LPA: variants seen among roughly 807,000 people sequenced by gnomAD.
The protein encoded by LPA is apolipoprotein(a).
In LPA, 199 loss-of-function variants were observed where a neutral mutation model predicts 197.9. The observed-to-expected ratio is 1.01, with a 90% CI of 0.90 to 1.13. LPA has a LOEUF of 1.13. LPA is among the 50% of genes most tolerant of loss of function. The pLI, the probability that LPA is intolerant of heterozygous loss-of-function variation, is 0.00. For synonymous variants in LPA, 715 were observed against 639.5 expected, an observed-to-expected ratio of 1.12 and a Z score of -1.78; for missense variants, 1,853 against 1,785.8, an observed-to-expected ratio of 1.04 and a Z score of -0.68.
intron 28 of LPA, among the ~76,000 whole-genome samples, chr6:160,567,497 G>A (rs1407137758): frequency 6.6e-6 from 1 of 152,214 alleles, no homozygotes; most frequent in East Asian, 1.9e-4. Flanking sequence ...TTAAAGCAGT[G>A]TGTAGGGGGA....
At chr6:160,653,225 G>A (rs1780037070) in intron 1 of LPA, among the ~76,000 whole-genome samples, 1 of 151,998 alleles carries the variant, frequency 6.6e-6, no homozygotes, top group Non-Finnish European at 1.5e-5. Flanking sequence ...TCATCAAGAA[G>A]ACCTAACAAT....
chr6:160,589,652 C>T lies in LPA; in HGVS notation c.3848G>A (p.Arg1283Gln), dbSNP rs772137514. The T allele has an allele frequency of 2.0e-5, 32 of 1,613,824 alleles. No homozygotes were observed. The highest frequency in any genetic ancestry group is 2.2e-5 in the Non-Finnish European group (26 of 1,179,870). ...TGTAACAGTGGTGGAGAATGAGCCT[C>T]GATAACTCTGTCCATCACCATGGTA... ...DCYHGDGQSYRGSFSTTVTGR... is the reference protein window; with the variant it reads ...DCYHGDGQSYQGSFSTTVTGR... Residue 1283 changes from arginine to glutamine, a missense_variant, in exon 24 of 39, where the codon CGA (arginine) becomes CAA (glutamine). By Grantham distance (43) the Arg-to-Gln change is conservative. Around this residue, in one of 3 missense-constraint regions of LPA, gnomAD observed 1,737 missense variants for 1,504.4 expected, o/e 1.15. Coordinates refer to ENST00000316300, the MANE Select transcript of LPA (RefSeq NM_005577.4).
At chr6:160,662,549 G>A (rs563412632) in intron 1 of LPA, among the ~76,000 whole-genome samples, 1 of 152,174 alleles carries the variant, frequency 6.6e-6, no homozygotes, top group Admixed American at 6.5e-5. Flanking sequence ...TCCTGTGGCA[G>A]AGAAGTTTGT....
chr6:160,549,803 G>A (rs1328160359), intron 30 of LPA, among the ~76,000 whole-genome samples: 1 of 152,192 alleles, frequency 6.6e-6, no homozygotes, highest in African/African-American at 2.4e-5. Flanking sequence ...GCCACTGCGG[G>A]ACTGACAGAA....
chr6:160,658,424 A>C (rs552878140), intron 1 of LPA, among the ~76,000 whole-genome samples: 1 of 152,334 alleles, frequency 6.6e-6, no homozygotes, highest in South Asian at 2.1e-4. Context: ...CATTCAGGGC[A>C]ATCTTAGCAG....
At chr6:160,588,256 G>GT (rs201471654) in intron 24 of LPA, among the ~76,000 whole-genome samples, 9,781 of 149,520 alleles carry the variant, frequency 0.065, 352 homozygotes, top group Middle Eastern at 0.12. Flanking sequence ...GGGGGGTTGA[G>GT]TTTTTTTTTT....
chr6:160,599,587 G>T lies in LPA; in HGVS notation c.3200C>A (p.Ser1067Tyr). 1 of 1,614,086 alleles carries T rather than the reference G, an allele frequency of 6.2e-7. No homozygotes were observed. Among genetic ancestry groups the T allele is most frequent in the Non-Finnish European group, 8.5e-7 (1 of 1,179,972 alleles). Residue 1067 changes from serine to tyrosine, a missense_variant, in exon 20 of 39, where the codon TCC becomes TAC. This residue lies in a region of LPA where 1,737 missense variants were observed against 1,504.4 expected (regional missense o/e 1.15). Coordinates refer to ENST00000316300, the MANE Select transcript of LPA (RefSeq NM_005577.4). ...GCAAGTTCTTCCTGTGACAGTGGTG[G>T]AGTATGTGCCTCGGTAACTCTGTCC... The part of the protein sequence containing the change: ...HYGQSYRGTY[S>Y]TTVTGRTCQA...
At chr6:160,661,634 T>C (rs1780228812) in intron 1 of LPA, among the ~76,000 whole-genome samples, 2 of 152,224 alleles carry the variant, frequency 1.3e-5, no homozygotes, top group South Asian at 4.1e-4. Flanking sequence ...ATATGCTCTA[T>C]GCTGGAAAAC....
At chr6:160,604,698 G>C (rs915218328) in intron 18 of LPA, among the ~76,000 whole-genome samples, 2 of 152,130 alleles carry the variant, frequency 1.3e-5, no homozygotes, top group African/African-American at 4.8e-5. Context: ...TCAGGAATTG[G>C]AGTTTAGTTT....
chr6:160,533,056 T>C (rs571475276), intron 37 of LPA, among the ~76,000 whole-genome samples: 1 of 152,318 alleles, frequency 6.6e-6, no homozygotes, highest in African/African-American at 2.4e-5. Context: ...ATACTGATTT[T>C]TTCAATCAAT....
At chr6:160,545,283 A>C (rs1778047533) in intron 33 of LPA, among the ~76,000 whole-genome samples, 157 bp downstream of exon 33, 1 of 151,982 alleles carries the variant, frequency 6.6e-6, no homozygotes, top group Non-Finnish European at 1.5e-5. Flanking sequence ...GGGCAGGTTC[A>C]AGGTGGCCAT....
intron 24 of LPA, 66 bp from the exon 25 acceptor site, chr6:160,586,696 CTA>C: frequency 6.2e-7 from 1 of 1,608,102 alleles, no homozygotes; most frequent in Non-Finnish European, 8.5e-7. Flanking sequence ...CTGGCACCCT[CTA>C]TGTTTTCTTG....
chr6:160,571,796 C>T (rs1194261106), intron 28 of LPA, among the ~76,000 whole-genome samples: 1 of 152,204 alleles, frequency 6.6e-6, no homozygotes, highest in Non-Finnish European at 1.5e-5. Flanking sequence ...GCCAGTGGAG[C>T]TTAGCTTGCT....
chr6:160,598,745 A>T (rs1779178700), intron 20 of LPA, among the ~76,000 whole-genome samples: 1 of 152,198 alleles, frequency 6.6e-6, no homozygotes, highest in South Asian at 2.1e-4. Context: ...GCTCAGGACC[A>T]AGTGTGTTTG....
rs532845869 is a variant in LPA, at chr6:160,558,068, C to T, written c.4632-497G>A. On this transcript the variant is annotated intron_variant, in intron 28 of 38. Coordinates refer to ENST00000316300, the MANE Select transcript of LPA (RefSeq NM_005577.4). ...CTGAGTAGCTGGGACTACAGGCGCC[C>T]GCCACCACGCCTGGCTAATTTTTTG... 7.2e-5 allele frequency among the ~76,000 whole-genome samples: 11 copies of T among 152,054 alleles called. No individual in the cohort carries two copies. In the East Asian group the frequency reaches 1.7e-3, roughly 24 times the overall value.
chr6:160,610,026 TG>T (rs1779455928), intron 16 of LPA, among the ~76,000 whole-genome samples: 1 of 152,184 alleles, frequency 6.6e-6, no homozygotes, highest in Non-Finnish European at 1.5e-5. Context: ...ATACCTGCTT[TG>T]TTGCACTTTT....
Position 160,653,943 on chromosome 6 carries a change from ATATATAT to A in LPA, c.50-3453_50-3447del, listed in dbSNP as rs1464998006. ...AACTAATAGGATATATATATATTTT[ATATATAT>A]TATATATAATATATATTATATATAA... On this transcript the variant is annotated intron_variant, in intron 1 of 38. Coordinates refer to ENST00000316300, the MANE Select transcript of LPA (RefSeq NM_005577.4). 3.5e-3 allele frequency among the ~76,000 whole-genome samples: 123 copies of A among 35,364 alleles called. 8 individuals carry two copies. Among genetic ancestry groups the A allele is most frequent in the South Asian group, 6.4e-3 (8 of 1,252 alleles). 23.2% of individuals were successfully genotyped at this position (35,364 alleles called of 152,430 possible).
At chr6:160,591,455 T>G (rs1460470285) in intron 22 of LPA, among the ~76,000 whole-genome samples, 1 of 152,256 alleles carries the variant, frequency 6.6e-6, no homozygotes, top group Non-Finnish European at 1.5e-5. Context: ...GATTGTTTTA[T>G]GCACGTACAA....
rs566055304 is a variant in LPA at position 160,587,457 on chromosome 6, T to G, written c.3948-827A>C. On this transcript the variant is annotated intron_variant, in intron 24 of 38. Transcript: ENST00000316300. ...CAACAGCTGTCAAAGCTGTTGTTCATAGGAACCCCCTTTTTTTCTTTTTAG... is the reference window on the plus strand; with the variant it reads ...CAACAGCTGTCAAAGCTGTTGTTCAGAGGAACCCCCTTTTTTTCTTTTTAG... Among the ~76,000 whole-genome samples, 482 of 152,326 alleles carry G rather than the reference T, an allele frequency of 3.2e-3. 3 individuals carry two copies. Among genetic ancestry groups the G allele is most frequent in the South Asian group, 0.016 (79 of 4,828 alleles).
Sources: gnomAD v4.1 joint callset for allele counts (sites outside exome capture counted in the v4.1 genomes callset) on GRCh38, gnomAD v4.1.1 for gene constraint, gnomAD v4.1.1 regional missense constraint, MANE v1.5 for transcripts, NCBI Gene and HGNC (gene_info 2026-07-23, HGNC 2026-07-21) for gene names.